The following CNKSR3 variants were observed in gnomAD, a reference collection of about 807,000 sequenced individuals.
The protein encoded by CNKSR3 is CNKSR family member 3, also known as connector enhancer of kinase suppressor of ras 3.
A neutral mutation model predicts 67.7 loss-of-function variants in CNKSR3; 36 were observed. That is an observed-to-expected ratio of 0.53 (90% CI 0.41 to 0.70). CNKSR3 has a LOEUF of 0.70. CNKSR3 is among the 30% of genes least tolerant of loss of function. The pLI is 0.00. For missense variants in CNKSR3, 630 were observed against 695.2 expected, an observed-to-expected ratio of 0.91 and a Z score of 1.05; for synonymous variants, 281 against 271.4, an observed-to-expected ratio of 1.04 and a Z score of -0.35.
chr6:154,506,242 A>G (rs939570485), intron 1 of CNKSR3, among the ~76,000 whole-genome samples: 1 of 152,184 alleles, frequency 6.6e-6, no homozygotes, highest in African/African-American at 2.4e-5. Flanking sequence ...TTAAAAAAAA[A>G]GAAAGGAAGG....
Position 154,505,484 on chromosome 6 carries a change from A to T in CNKSR3, c.52+4579T>A, listed in dbSNP as rs556902109. Among the ~76,000 whole-genome samples, 37 of 132,122 alleles carry T rather than the reference A, an allele frequency of 2.8e-4. 2 individuals are homozygous for T. The South Asian group carries it at 6.5e-3, about 23-fold the overall frequency. The allele number at this position is 132,122 out of a possible 152,430, so 86.7% of individuals were successfully genotyped here. A position where few individuals can be genotyped will look rare whatever the true frequency, so the allele number is the denominator to read the frequency against. ...TGTGCTGACTCAACTACACAATTTT[A>T]TTATTATTATTATTTTTTTTTTTTT... On this transcript the variant is annotated intron_variant, in intron 1 of 12. Transcript: ENST00000607772.
At chr6:154,460,720 G>C (rs986084031) in intron 1 of CNKSR3, among the ~76,000 whole-genome samples, 1 of 152,118 alleles carries the variant, frequency 6.6e-6, no homozygotes, top group Non-Finnish European at 1.5e-5. Context: ...CCGTAAATTC[G>C]ATTTGGTCTA....
chr6:154,407,035 C>T (rs1784810896), intron 12 of CNKSR3, among the ~76,000 whole-genome samples: 1 of 152,078 alleles, frequency 6.6e-6, no homozygotes, highest in South Asian at 2.1e-4. Context: ...TCTGCCACCA[C>T]CCTGAATGTG....
intron 7 of CNKSR3, among the ~76,000 whole-genome samples, chr6:154,424,529 A>G (rs117614923): frequency 0.026 from 3,928 of 152,340 alleles, 69 homozygotes; most frequent in Non-Finnish European, 0.042. Flanking sequence ...GAGGGACAGC[A>G]ATGAGACCCA....
intron 9 of CNKSR3, among the ~76,000 whole-genome samples, chr6:154,420,676 G>C: frequency 2.0e-5 from 2 of 100,750 alleles, no homozygotes; most frequent in Admixed American, 1.4e-4. Context: ...GCGACAGAGC[G>C]AGACTCCGTC....
intron 1 of CNKSR3, among the ~76,000 whole-genome samples, chr6:154,491,771 T>C (rs1219644463): frequency 6.6e-6 from 1 of 152,240 alleles, no homozygotes; most frequent in African/African-American, 2.4e-5. Context: ...GCATTGTTAG[T>C]ATTAAAATAA....
rs2128707679 is a variant in CNKSR3, at chr6:154,388,868, C to T, written c.*17486G>A. On this transcript the variant is annotated 3_prime_UTR_variant, in exon 13 of 13. Coordinates refer to ENST00000607772, the MANE Select transcript of CNKSR3 (RefSeq NM_173515.4). ...TCCCTATACTCTCGCAATGTGTCAA[C>T]TAGCTTCTTTCATTGCTGTTCAAGA... The T allele has an allele frequency of 6.6e-6, 1 of 152,158 alleles. No homozygotes were observed. The highest frequency in any genetic ancestry group is 1.5e-5 in the Non-Finnish European group (1 of 68,024). The allele number at this position is 152,158 out of a possible 1,614,324, so 9.4% of individuals were successfully genotyped here. A position where few individuals can be genotyped will look rare whatever the true frequency, so the allele number is the denominator to read the frequency against.
chr6:154,501,858 T>C (rs1787004687), intron 1 of CNKSR3, among the ~76,000 whole-genome samples: 1 of 152,048 alleles, frequency 6.6e-6, no homozygotes, highest in Non-Finnish European at 1.5e-5. Context: ...ACCGAGAAGA[T>C]TCCCCTAAGA....
At chr6:154,441,980 TG>T in intron 3 of CNKSR3, 107 bp downstream of exon 3, 1 of 1,053,128 alleles carries the variant, frequency 9.5e-7, no homozygotes, top group African/African-American at 1.6e-5. Context: ...CCGGTAAAAA[TG>T]ATATGAAAAG....
intron 1 of CNKSR3, among the ~76,000 whole-genome samples, chr6:154,492,574 C>T (rs1263597993): frequency 6.6e-6 from 1 of 151,876 alleles, no homozygotes; most frequent in African/African-American, 2.4e-5. Context: ...GGTGAAACCC[C>T]ATCTCTCCTA....
rs1226782806 is a variant in CNKSR3, at chr6:154,394,952, T to A, written c.*11402A>T. On this transcript the variant is annotated 3_prime_UTR_variant, in exon 13 of 13. Coordinates refer to ENST00000607772, the MANE Select transcript of CNKSR3 (RefSeq NM_173515.4). ...CACAGGAACTAAAGGAAAGAGATGG[T>A]CTGAGCACAGAGAATGAATCTAGGA... is the stretch of plus-strand genomic sequence containing the variant. The A allele has an allele frequency of 6.6e-6, 1 of 152,222 alleles. No individual in the cohort carries two copies. The highest frequency in any genetic ancestry group is 1.5e-5 in the Non-Finnish European group (1 of 68,068). The allele number at this position is 152,222 out of a possible 1,614,324, so 9.4% of individuals were successfully genotyped here.
At chr6:154,433,330 A>G (rs1387572447) in intron 5 of CNKSR3, 136 bp downstream of exon 5, 10 of 684,584 alleles carry the variant, frequency 1.5e-5, no homozygotes, top group Non-Finnish European at 2.6e-5. Context: ...TTCCACCTAA[A>G]TTTAAAAACT....
chr6:154,417,943 C>A (rs1404660572), intron 9 of CNKSR3, among the ~76,000 whole-genome samples: 2 of 152,182 alleles, frequency 1.3e-5, no homozygotes, highest in Non-Finnish European at 2.9e-5. Flanking sequence ...CAGCCTGGCA[C>A]TCCATACCTG....
rs1482696875 is a variant in CNKSR3, at chr6:154,406,614, T to G, written c.1408A>C (p.Ile470Leu). ...ALCRYFSNER[I>L]PPIIEESSSP... Reference sequence around the variant, plus strand: ...GAGCTCTCTTCAATGATCGGAGGAATCCGCTCGTTACTGAAATACCGGCAA... The same window carrying G: ...GAGCTCTCTTCAATGATCGGAGGAAGCCGCTCGTTACTGAAATACCGGCAA... Residue 470 changes from isoleucine to leucine, a missense_variant, in exon 13 of 13, where the codon ATT (isoleucine) becomes CTT (leucine). Coordinates refer to ENST00000607772, the MANE Select transcript of CNKSR3 (RefSeq NM_173515.4). The G allele has an allele frequency of 3.1e-6, 5 of 1,613,994 alleles. No individual in the cohort carries two copies. Among genetic ancestry groups the G allele is most frequent in the Non-Finnish European group, 4.2e-6 (5 of 1,179,882 alleles).
chr6:154,450,210 T>C lies in CNKSR3; in HGVS notation c.101A>G (p.Lys34Arg), dbSNP rs779142767. The C allele has an allele frequency of 7.4e-6, 12 of 1,614,070 alleles. No homozygotes were observed. Among genetic ancestry groups the C allele is most frequent in the African/African-American group, 1.3e-5 (1 of 74,936 alleles). The change falls in exon 2 of 13, where the codon AAG becomes AGG. Residue 34 changes from lysine (K) to arginine (R), a missense_variant. This residue lies in a region of CNKSR3 where 189 missense variants were observed against 205.0 expected (regional missense o/e 0.92). Coordinates refer to ENST00000607772, the MANE Select transcript of CNKSR3 (RefSeq NM_173515.4). ...QQYVHKFERE[K>R]INGEQLLQIS... Reference sequence around the variant, plus strand: ...CTGCAGCAGCTGCTCGCCGTTGATCTTCTCTCGTTCAAACTTGTGGACATA... The same window carrying C: ...CTGCAGCAGCTGCTCGCCGTTGATCCTCTCTCGTTCAAACTTGTGGACATA...
rs115948283 is a variant in CNKSR3 at position 154,421,534 on chromosome 6, G to A, written c.945+972C>T. Among the ~76,000 whole-genome samples, 398 of 152,284 alleles carry A rather than the reference G, an allele frequency of 2.6e-3. 1 individual carries two copies. The highest frequency in any genetic ancestry group is 9.1e-3 in the African/African-American group (379 of 41,540). ...TCTTGCTTTATGAAATAAGCACTAAGGACCAATGGCATAACAAGGAGTGTG... is the reference window on the plus strand; with the variant it reads ...TCTTGCTTTATGAAATAAGCACTAAAGACCAATGGCATAACAAGGAGTGTG... On this transcript the variant is annotated intron_variant, in intron 9 of 12. Coordinates refer to ENST00000607772, the MANE Select transcript of CNKSR3 (RefSeq NM_173515.4).
intron 2 of CNKSR3, among the ~76,000 whole-genome samples, chr6:154,445,006 G>A (rs112659582): frequency 1.3e-5 from 2 of 151,038 alleles, no homozygotes; most frequent in African/African-American, 4.9e-5. Context: ...CTCGGAAGTA[G>A]GTAAGAAACT....
rs554780158 is a variant in CNKSR3, at chr6:154,458,246, T to C, written c.53-7988A>G. On this transcript the variant is annotated intron_variant, in intron 1 of 12. Transcript: ENST00000607772. The stretch of plus-strand genomic sequence containing the variant: ...TGATGACCTCTGCCGACCAGAAAAA[T>C]AGACTCCACCAGTCTAGTCTGGAAT... Among the ~76,000 whole-genome samples, 8 of 152,210 alleles carry C rather than the reference T, an allele frequency of 5.3e-5. No individual in the cohort carries two copies. In the South Asian group the frequency reaches 1.5e-3, roughly 28 times the overall value.
intron 1 of CNKSR3, among the ~76,000 whole-genome samples, chr6:154,505,061 A>G (rs553760503): frequency 1.2e-4 from 18 of 151,614 alleles, no homozygotes; most frequent in African/African-American, 3.9e-4. Flanking sequence ...CTGCTAAAAC[A>G]AAAAGGCCTC....
Sources: gnomAD v4.1 joint callset for allele counts (sites outside exome capture counted in the v4.1 genomes callset) on GRCh38, gnomAD v4.1.1 for gene constraint, gnomAD v4.1.1 regional missense constraint, MANE v1.5 for transcripts, NCBI Gene and HGNC (gene_info 2026-07-23, HGNC 2026-07-21) for gene names.